The following CNTNAP2 variants were observed in gnomAD, a reference collection of about 807,000 sequenced individuals.
CNTNAP2 encodes contactin-associated protein-like 2.
Under a neutral mutation model 155.2 loss-of-function variants are expected in CNTNAP2, and 98 were observed. The ratio of observed to expected loss-of-function variants is 0.63; its 90% CI spans 0.54 to 0.75. The LOEUF (loss-of-function observed/expected upper bound fraction) is 0.75, where lower values mean the gene tolerates loss of function less well. CNTNAP2 is among the 30% of genes least tolerant of loss of function. The probability of loss-of-function intolerance (pLI) is 0.00; values close to 1 mark genes in which losing one functional copy is unlikely to be tolerated. For synonymous variants in CNTNAP2, 651 were observed against 631.2 expected (o/e 1.03, Z -0.47); for missense variants, 1,727 against 1,688.1 (o/e 1.02, Z -0.40).
intron 13 of CNTNAP2, among the ~76,000 whole-genome samples, chr7:147,713,649 A>T (rs1334693963): frequency 6.6e-6 from 1 of 152,164 alleles, no homozygotes; most frequent in Non-Finnish European, 1.5e-5. Flanking sequence ...TCACTTGGAA[A>T]AATGCCTGGG....
At chr7:146,818,366 T>A (rs1417331404) in intron 2 of CNTNAP2, among the ~76,000 whole-genome samples, 1 of 152,228 alleles carries the variant, frequency 6.6e-6, no homozygotes, top group Non-Finnish European at 1.5e-5. Flanking sequence ...GTTTATAGAA[T>A]CATCTTACTT....
chr7:146,693,116 C>G (rs150358084), intron 1 of CNTNAP2, among the ~76,000 whole-genome samples: 1 of 151,954 alleles, frequency 6.6e-6, no homozygotes, highest in Non-Finnish European at 1.5e-5. Context: ...AAAATGGAGA[C>G]GATACCTACT....
At chr7:147,141,637 C>T (rs2129287431) in intron 8 of CNTNAP2, among the ~76,000 whole-genome samples, 1 of 152,150 alleles carries the variant, frequency 6.6e-6, no homozygotes. Flanking sequence ...TTGCCCAGAG[C>T]ATTTGAGTCT....
chr7:146,128,061 G>A (rs897514724), intron 1 of CNTNAP2, among the ~76,000 whole-genome samples: 3 of 152,070 alleles, frequency 2.0e-5, no homozygotes, highest in African/African-American at 4.8e-5. Flanking sequence ...CCAGTCTAGC[G>A]AAGCCTGTTT....
intron 1 of CNTNAP2, among the ~76,000 whole-genome samples, chr7:146,749,308 T>C (rs1172829910): frequency 6.6e-6 from 1 of 152,174 alleles, no homozygotes; most frequent in Non-Finnish European, 1.5e-5. Flanking sequence ...AACACTTTTA[T>C]TACCTACACT....
intron 8 of CNTNAP2, among the ~76,000 whole-genome samples, chr7:147,290,164 G>T (rs898623598): frequency 6.6e-6 from 1 of 152,054 alleles, no homozygotes; most frequent in Non-Finnish European, 1.5e-5. Context: ...ACCTTGTTTT[G>T]TGTGTGTTTC....
intron 15 of CNTNAP2, among the ~76,000 whole-genome samples, chr7:148,085,195 T>G (rs934373851): frequency 6.6e-6 from 1 of 152,238 alleles, no homozygotes; most frequent in Non-Finnish European, 1.5e-5. Context: ...AAACAACCTA[T>G]TTCCCTTTGG....
At chr7:148,081,848 A>G (rs1803611726) in intron 15 of CNTNAP2, among the ~76,000 whole-genome samples, 1 of 152,136 alleles carries the variant, frequency 6.6e-6, no homozygotes, top group South Asian at 2.1e-4. Flanking sequence ...GCATGAATGT[A>G]TGTGAGAAAG....
chr7:147,036,919 A>T (rs1167976656), intron 3 of CNTNAP2, among the ~76,000 whole-genome samples: 2 of 152,146 alleles, frequency 1.3e-5, no homozygotes, highest in Non-Finnish European at 2.9e-5. Context: ...ATATGAAAAA[A>T]TGCTCCTTTT....
At chr7:146,815,628 G>A (rs527568771) in intron 2 of CNTNAP2, among the ~76,000 whole-genome samples, 1 of 152,102 alleles carries the variant, frequency 6.6e-6, no homozygotes, top group African/African-American at 2.4e-5. Context: ...GAAACTTATT[G>A]TATTCACAAA....
chr7:146,276,279 C>T (rs1425984617), intron 1 of CNTNAP2, among the ~76,000 whole-genome samples: 2 of 152,170 alleles, frequency 1.3e-5, no homozygotes, highest in Admixed American at 6.5e-5. Flanking sequence ...AGATACTCCT[C>T]ATAGAACTTA....
At chr7:146,147,074 C>G (rs1446239188) in intron 1 of CNTNAP2, among the ~76,000 whole-genome samples, 1 of 152,092 alleles carries the variant, frequency 6.6e-6, no homozygotes, top group Non-Finnish European at 1.5e-5. Context: ...GATGATAACC[C>G]GGAAGTGACC....
intron 21 of CNTNAP2, among the ~76,000 whole-genome samples, chr7:148,316,424 C>A (rs561872611): frequency 5.3e-5 from 8 of 152,124 alleles, no homozygotes; most frequent in Middle Eastern, 6.8e-3. Flanking sequence ...TGACCATCAG[C>A]AAGGTAAATC....
intron 13 of CNTNAP2, among the ~76,000 whole-genome samples, chr7:147,715,552 T>C (rs1250277366): frequency 6.6e-6 from 1 of 152,126 alleles, no homozygotes; most frequent in South Asian, 2.1e-4. Context: ...ATGGGGTTTT[T>C]TTAGTATTGA....
At chr7:147,581,663 C>G (rs1800502234) in intron 12 of CNTNAP2, among the ~76,000 whole-genome samples, 1 of 152,182 alleles carries the variant, frequency 6.6e-6, no homozygotes. Flanking sequence ...CAGTGAATTT[C>G]CCTTCTCCCA....
At chr7:146,908,905 G>A (rs977203287) in intron 3 of CNTNAP2, among the ~76,000 whole-genome samples, 4 of 148,414 alleles carry the variant, frequency 2.7e-5, no homozygotes, top group East Asian at 1.9e-4. Context: ...TAGACCACTA[G>A]CAAGACTAAT....
At chr7:146,799,313 G>C (rs1243234281) in intron 2 of CNTNAP2, among the ~76,000 whole-genome samples, 1 of 152,066 alleles carries the variant, frequency 6.6e-6, no homozygotes, top group Non-Finnish European at 1.5e-5. Flanking sequence ...AAAGATTCTT[G>C]ATTGCTTACC....
chr7:147,283,729 T>C (rs527853654), intron 8 of CNTNAP2, among the ~76,000 whole-genome samples: 1 of 151,998 alleles, frequency 6.6e-6, no homozygotes, highest in South Asian at 2.1e-4. Context: ...AGAGAACAAA[T>C]GCTTTTCCCA....
rs184215331 is a variant in CNTNAP2, at chr7:146,248,057, C to T, written c.97+131084C>T. ...AGGCTGGGGCACGGAAATAAGGGAT[C>T]GGGGCACAGAGATATAAGAGGCTGG... On this transcript the variant is annotated intron_variant, in intron 1 of 23. Coordinates refer to ENST00000361727, the MANE Select transcript of CNTNAP2 (RefSeq NM_014141.6). Among the ~76,000 whole-genome samples the T allele has an allele frequency of 8.9e-5, 13 of 146,238 alleles. No homozygotes were observed. The East Asian group carries it at 1.4e-3, about 16-fold the overall frequency.
Sources: allele counts gnomAD v4.1 joint callset (sites outside exome capture counted in the v4.1 genomes callset), GRCh38; gene constraint gnomAD v4.1.1; transcripts MANE v1.5; gene names NCBI Gene and HGNC (gene_info 2026-07-23, HGNC 2026-07-21).